VWA2: variants seen among roughly 807,000 people sequenced by gnomAD.
VWA2 encodes the protein von Willebrand factor A domain containing 2, also known as von Willebrand factor A domain-containing protein 2.
VWA2 carries 73 observed loss-of-function variants against 70.4 expected under a neutral mutation model. The observed-to-expected ratio is 1.04, with a 90% confidence interval of 0.86 to 1.26. The LOEUF is 1.26. VWA2 is among the 50% of genes most tolerant of loss of function. The pLI is 0.00. For synonymous variants in VWA2, 407 were observed against 423.3 expected, an observed-to-expected ratio of 0.96 and a Z score of 0.47; for missense variants, 1,011 against 998.5, an observed-to-expected ratio of 1.01 and a Z score of -0.17.
chr10:114,282,721 G>A (rs953530601), intron 9 of VWA2, 150 bp downstream of exon 9: 9 of 673,132 alleles, frequency 1.3e-5, no homozygotes, highest in Non-Finnish European at 2.4e-5. Flanking sequence ...AGAGGAGAGT[G>A]TGCTCTTGAC....
chr10:114,285,995 G>T lies in VWA2; in HGVS notation c.1054G>T (p.Ala352Ser). The T allele has an allele frequency of 6.2e-7, 1 of 1,613,758 alleles. No individual in the cohort carries two copies. ...VDLLFLLDSS[A>S]GTTLDGFLRA... ...CCTCCTCTTCCTGCTGGACAGCTCT[G>T]CGGGCACCACTCTGGACGGCTTCCT... is the stretch of plus-strand genomic sequence containing the variant. Residue 352 changes from alanine to serine, a missense_variant, in exon 11 of 14, where the codon GCG becomes TCG. Ala to Ser is a moderately conservative substitution (Grantham distance 99, BLOSUM62 1). Coordinates refer to ENST00000392982, the MANE Select transcript of VWA2 (RefSeq NM_001272046.2).
intron 1 of VWA2, among the ~76,000 whole-genome samples, chr10:114,242,889 C>G (rs903674717): frequency 2.0e-5 from 3 of 152,206 alleles, no homozygotes; most frequent in Non-Finnish European, 4.4e-5. Flanking sequence ...CCCTGTCTCA[C>G]TGGATCTTTA....
At chr10:114,268,166 C>T (rs1185403699) in intron 5 of VWA2, among the ~76,000 whole-genome samples, 4 of 151,740 alleles carry the variant, frequency 2.6e-5, no homozygotes, top group Admixed American at 2.0e-4. Context: ...ATATTTGAGC[C>T]CCTCCACCTC....
At position 114,266,504 on chromosome 10, in the gene VWA2, G is replaced by A. The variant is rs187785892; in HGVS notation, c.371+5209G>A. Among the ~76,000 whole-genome samples the A allele has an allele frequency of 7.9e-5, 12 of 152,246 alleles. No homozygotes were observed. In the East Asian group the frequency reaches 1.5e-3, roughly 20 times the overall value. Reference sequence around the variant, plus strand: ...CCCAGGACACTTGCCTTTCCAGACCGAGGCAGTCCCCCAAAAGTATGTTTT... The same window carrying A: ...CCCAGGACACTTGCCTTTCCAGACCAAGGCAGTCCCCCAAAAGTATGTTTT... On this transcript the variant is annotated intron_variant, in intron 5 of 13. Transcript: ENST00000392982.
chr10:114,260,355 T>C (rs977482989), intron 4 of VWA2, among the ~76,000 whole-genome samples: 34 of 152,212 alleles, frequency 2.2e-4, no homozygotes, highest in African/African-American at 6.8e-4. Flanking sequence ...ACCAGTGTTC[T>C]CCTTAATTAC....
chr10:114,252,929 G>A (rs1295470551), intron 2 of VWA2, among the ~76,000 whole-genome samples: 1 of 151,696 alleles, frequency 6.6e-6, no homozygotes, highest in African/African-American at 2.4e-5. Context: ...CCCCACTTCC[G>A]TGACCTGGCC....
At position 114,291,275 on chromosome 10, in the gene VWA2, C is replaced by T. The variant is rs2039573392; in HGVS notation, c.*38C>T. On this transcript the variant is annotated 3_prime_UTR_variant, in exon 14 of 14. Transcript: ENST00000392982. ...CCGTGCAGGAGGGCAGCAGCCGTAC[C>T]CCTCCCAGCAACTACAGAGAAGGCC... 1 of 1,543,466 alleles carries T rather than the reference C, an allele frequency of 6.5e-7. No homozygotes were observed. Among genetic ancestry groups the T allele is most frequent in the Non-Finnish European group, 8.7e-7 (1 of 1,143,680 alleles).
intron 12 of VWA2, 160 bp from the exon 13 acceptor site, chr10:114,290,076 TACTA>T: frequency 1.2e-6 from 1 of 832,292 alleles, no homozygotes; most frequent in Non-Finnish European, 1.8e-6. Context: ...AGCTGGGTCT[TACTA>T]ACCTAGCCAA....
At position 114,291,271 on chromosome 10, in the gene VWA2, G is replaced by A. The variant is rs1330787379; in HGVS notation, c.*34G>A. ...GCTCCCGTGCAGGAGGGCAGCAGCC[G>A]TACCCCTCCCAGCAACTACAGAGAA... On this transcript the variant is annotated 3_prime_UTR_variant, in exon 14 of 14. Transcript: ENST00000392982. 36 of 1,544,236 alleles carry A rather than the reference G, an allele frequency of 2.3e-5. No homozygotes were observed. Among genetic ancestry groups the A allele is most frequent in the African/African-American group, 5.5e-5 (4 of 72,832 alleles).
intron 5 of VWA2, among the ~76,000 whole-genome samples, chr10:114,267,128 T>C (rs1396024290): frequency 2.0e-5 from 3 of 152,312 alleles, no homozygotes; most frequent in Non-Finnish European, 4.4e-5. Flanking sequence ...TTCTTTTTCA[T>C]TTTGAGACGG....
intron 2 of VWA2, among the ~76,000 whole-genome samples, chr10:114,250,755 C>G (rs2037178534): frequency 6.6e-6 from 1 of 152,168 alleles, no homozygotes; most frequent in Admixed American, 6.5e-5. Flanking sequence ...GCTTCATGGC[C>G]AAGGGGTTGG....
At chr10:114,266,313 T>G (rs1370191528) in intron 5 of VWA2, among the ~76,000 whole-genome samples, 6 of 151,582 alleles carry the variant, frequency 4.0e-5, no homozygotes, top group Non-Finnish European at 7.4e-5. Context: ...AAAAAAAAAT[T>G]AAACTTTGTA....
At position 114,254,808 on chromosome 10, in the gene VWA2, G is replaced by C. The variant is rs575873625; in HGVS notation, c.128-107G>C. ...CTGCAGTTCTCCCCTTTCATGCTAAGAGGGACAGCAGCCTGGCCCACCACA... is the reference window on the plus strand; with the variant it reads ...CTGCAGTTCTCCCCTTTCATGCTAACAGGGACAGCAGCCTGGCCCACCACA... On this transcript the variant is annotated intron_variant, in intron 3 of 13. Transcript: ENST00000392982. 1.2e-4 allele frequency: 173 copies of C among 1,468,614 alleles called. 1 individual carries two copies. Among genetic ancestry groups the C allele is most frequent in the Middle Eastern group, 1.1e-3 (5 of 4,480 alleles). 91.0% of individuals were successfully genotyped at this position (1,468,614 alleles called of 1,614,324 possible).
intron 12 of VWA2, 192 bp from the exon 13 acceptor site, chr10:114,290,048 T>C: frequency 1.7e-6 from 1 of 572,180 alleles, no homozygotes; most frequent in Non-Finnish European, 3.0e-6. Context: ...CAATGGACTC[T>C]CCATGAGTCT....
chr10:114,278,134 T>G, intron 7 of VWA2, 87 bp downstream of exon 7: 1 of 1,514,748 alleles, frequency 6.6e-7, no homozygotes, highest in Non-Finnish European at 8.9e-7. Context: ...CCCAGGAGCC[T>G]CCCAAGGATG....
intron 1 of VWA2, chr10:114,246,461 A>G (rs2037070761): frequency 1.6e-6 from 1 of 631,376 alleles, no homozygotes; most frequent in Non-Finnish European, 2.7e-6. Flanking sequence ...AGACCATGCC[A>G]TTGCATTCCA....
chr10:114,278,075 G>A lies in VWA2; in HGVS notation c.700+28G>A, dbSNP rs550295183. 34 of 1,598,474 alleles carry A rather than the reference G, an allele frequency of 2.1e-5. 2 individuals carry two copies. In the South Asian group the frequency reaches 3.1e-4, roughly 15 times the overall value. The stretch of plus-strand genomic sequence containing the variant: ...AAGATCTTCCAGCCTGGAGGGAGTG[G>A]AAGTGCCATGTGGGGTCGGGGAGGG... On this transcript the variant is annotated intron_variant, in intron 7 of 13. Coordinates refer to ENST00000392982, the MANE Select transcript of VWA2 (RefSeq NM_001272046.2).
At chr10:114,281,767 C>T (rs747936554) in intron 8 of VWA2, 39 of 985,060 alleles carry the variant, frequency 4.0e-5, no homozygotes, top group Non-Finnish European at 4.6e-5. Context: ...CTCTCCCCAT[C>T]GAAGCTTTAA....
At position 114,291,524 on chromosome 10, in the gene VWA2, C is replaced by T. The variant is rs2039597897; in HGVS notation, c.*287C>T. The T allele has an allele frequency of 2.5e-6, 1 of 407,522 alleles. No homozygotes were observed. Among genetic ancestry groups the T allele is most frequent in the South Asian group, 3.4e-5 (1 of 29,316 alleles). 25.2% of individuals were successfully genotyped at this position (407,522 alleles called of 1,614,324 possible). ...TACCCACTTTCTGTACCTGCTGTGCCTTGTTGAGGCTATGTCATCTGCCAC... is the reference window on the plus strand; with the variant it reads ...TACCCACTTTCTGTACCTGCTGTGCTTTGTTGAGGCTATGTCATCTGCCAC... On this transcript the variant is annotated 3_prime_UTR_variant, in exon 14 of 14. Coordinates refer to ENST00000392982, the MANE Select transcript of VWA2 (RefSeq NM_001272046.2).
Sources: gnomAD v4.1 joint callset for allele counts (sites outside exome capture counted in the v4.1 genomes callset) on GRCh38, gnomAD v4.1.1 for gene constraint, MANE v1.5 for transcripts, NCBI Gene and HGNC (gene_info 2026-07-23, HGNC 2026-07-21) for gene names.